SPAG16: variants seen among roughly 807,000 people sequenced by gnomAD.
SPAG16 encodes sperm-associated antigen 16 protein.
In SPAG16, 86 loss-of-function variants were observed where a neutral mutation model predicts 80.4. The observed-to-expected ratio is 1.07, with a 90% CI of 0.90 to 1.28. SPAG16 has a LOEUF of 1.28. Among genes scored for constraint, SPAG16 ranks in the 50% most tolerant of loss-of-function variants. The pLI is 0.00. For synonymous variants in SPAG16, 294 were observed against 265.9 expected (o/e 1.11, Z -1.03); for missense variants, 870 against 765.3 (o/e 1.14, Z -1.61).
chr2:213,515,081 T>C (rs1406472439), intron 10 of SPAG16, among the ~76,000 whole-genome samples: 3 of 152,200 alleles, frequency 2.0e-5, no homozygotes, highest in Non-Finnish European at 4.4e-5. Context: ...GTTATGCGTC[T>C]TATTTTCTGC....
intron 15 of SPAG16, among the ~76,000 whole-genome samples, chr2:214,333,442 C>T (rs1195093965): frequency 6.6e-6 from 1 of 152,200 alleles, no homozygotes; most frequent in Non-Finnish European, 1.5e-5. Context: ...AGTCTAATAT[C>T]ATCACCCACT....
chr2:213,761,600 G>T (rs1260060144), intron 10 of SPAG16, among the ~76,000 whole-genome samples: 3 of 152,094 alleles, frequency 2.0e-5, no homozygotes, highest in Non-Finnish European at 4.4e-5. Context: ...GGTGGCTCAC[G>T]CCTGTAATCT....
At chr2:214,281,583 C>T (rs1412798130) in intron 15 of SPAG16, 1 of 152,230 alleles carries the variant, frequency 6.6e-6, no homozygotes, top group African/African-American at 2.4e-5. Context: ...CTCTCACACA[C>T]TCCTGGTGGG....
intron 12 of SPAG16, among the ~76,000 whole-genome samples, chr2:213,974,365 G>A (rs1221387153): frequency 6.6e-6 from 1 of 151,830 alleles, no homozygotes; most frequent in Non-Finnish European, 1.5e-5. Context: ...TAAGACTTTT[G>A]AAATCTAGGA....
intron 9 of SPAG16, among the ~76,000 whole-genome samples, chr2:213,480,199 C>A (rs569225804): frequency 3.9e-5 from 6 of 152,294 alleles, no homozygotes; most frequent in Admixed American, 6.5e-5. Flanking sequence ...CCAACCCACA[C>A]AAAGATAATC....
At chr2:213,858,904 G>T (rs2075290149) in intron 10 of SPAG16, among the ~76,000 whole-genome samples, 1 of 151,894 alleles carries the variant, frequency 6.6e-6, no homozygotes, top group African/African-American at 2.4e-5. Flanking sequence ...AAGTCCGCCA[G>T]GTGCAGTGGC....
At chr2:214,205,242 A>C (rs928496137) in intron 15 of SPAG16, among the ~76,000 whole-genome samples, 1 of 144,306 alleles carries the variant, frequency 6.9e-6, no homozygotes, top group Non-Finnish European at 1.6e-5. Context: ...AAAGAAGAAG[A>C]AGCTATATCA....
intron 10 of SPAG16, among the ~76,000 whole-genome samples, chr2:213,812,274 G>A (rs943198380): frequency 6.6e-6 from 1 of 152,174 alleles, no homozygotes; most frequent in Non-Finnish European, 1.5e-5. Flanking sequence ...GAAGAACTGG[G>A]ACTCAGGAGT....
chr2:214,218,750 A>G (rs1392538219), intron 15 of SPAG16, among the ~76,000 whole-genome samples: 2 of 152,222 alleles, frequency 1.3e-5, no homozygotes, highest in Non-Finnish European at 2.9e-5. Context: ...GCAGGTAGTC[A>G]TGTCACTTTG....
chr2:213,402,064 A>T lies in SPAG16; in HGVS notation c.942+26945A>T, dbSNP rs148001732. Among the ~76,000 whole-genome samples the T allele has an allele frequency of 1.8e-4, 28 of 152,194 alleles. 1 individual carries two copies. The highest frequency in any genetic ancestry group is 6.7e-4 in the African/African-American group (28 of 41,570). On this transcript the variant is annotated intron_variant, in intron 9 of 15. Coordinates refer to ENST00000331683, the MANE Select transcript of SPAG16 (RefSeq NM_024532.5). The stretch of plus-strand genomic sequence containing the variant: ...AAGGTAATTTATAAAGACAATGCTT[A>T]TTTCAATTTATCTACAAATTTACTA...
intron 10 of SPAG16, among the ~76,000 whole-genome samples, chr2:213,626,641 ATTTTTTTTTT>A (rs10582370): frequency 1.0e-5 from 1 of 98,980 alleles, no homozygotes; most frequent in Non-Finnish European, 1.9e-5. Context: ...ATCGGGCTCA[ATTTTTTTTTT>A]TTTTTTTTTT....
At chr2:214,342,378 T>G (rs968477164) in intron 15 of SPAG16, among the ~76,000 whole-genome samples, 1 of 152,176 alleles carries the variant, frequency 6.6e-6, no homozygotes, top group African/African-American at 2.4e-5. Flanking sequence ...TTACAGTACA[T>G]TCTTGCACTA....
At chr2:213,305,816 T>C (rs1038663927) in intron 3 of SPAG16, among the ~76,000 whole-genome samples, 3 of 152,182 alleles carry the variant, frequency 2.0e-5, no homozygotes, top group Non-Finnish European at 4.4e-5. Flanking sequence ...CCTTTTAACA[T>C]GTCTTTGTCT....
intron 15 of SPAG16, among the ~76,000 whole-genome samples, chr2:214,243,690 G>C (rs1179408533): frequency 6.6e-6 from 1 of 151,944 alleles, no homozygotes; most frequent in African/African-American, 2.4e-5. Flanking sequence ...ATCTTCACTA[G>C]CTCACCAATT....
At chr2:213,723,147 A>C (rs2066604234) in intron 10 of SPAG16, among the ~76,000 whole-genome samples, 2 of 152,114 alleles carry the variant, frequency 1.3e-5, no homozygotes, top group Admixed American at 1.3e-4. Context: ...AGAGTGACTT[A>C]TCTGATTGGA....
At chr2:213,780,374 C>G (rs561265178) in intron 10 of SPAG16, among the ~76,000 whole-genome samples, 1 of 152,086 alleles carries the variant, frequency 6.6e-6, no homozygotes, top group Non-Finnish European at 1.5e-5. Context: ...TTTTCTCTGA[C>G]TTGTGTGAAA....
At chr2:214,394,289 A>T (rs1701241292) in intron 15 of SPAG16, among the ~76,000 whole-genome samples, 1 of 151,860 alleles carries the variant, frequency 6.6e-6, no homozygotes, top group Non-Finnish European at 1.5e-5. Context: ...TTATTTTTAA[A>T]TATCAGCATA....
intron 9 of SPAG16, among the ~76,000 whole-genome samples, chr2:213,487,229 A>AT (rs1167170838): frequency 6.6e-6 from 1 of 152,012 alleles, no homozygotes; most frequent in Non-Finnish European, 1.5e-5. Flanking sequence ...TGATACTGGT[A>AT]TTTTTTTAAA....
At chr2:213,948,402 T>C (rs1467196181) in intron 12 of SPAG16, among the ~76,000 whole-genome samples, 1 of 152,204 alleles carries the variant, frequency 6.6e-6, no homozygotes, top group Non-Finnish European at 1.5e-5. Context: ...GAAGACCCCA[T>C]TGATGCTACT....
Sources: allele counts gnomAD v4.1 joint callset (sites outside exome capture counted in the v4.1 genomes callset), GRCh38; gene constraint gnomAD v4.1.1; transcripts MANE v1.5; gene names NCBI Gene and HGNC (gene_info 2026-07-23, HGNC 2026-07-21).